Variants in GNAI1 observed in about 807,000 individuals in gnomAD.
GNAI1 encodes guanine nucleotide-binding protein G(i) subunit alpha-1.
In GNAI1, 11 loss-of-function variants were observed where a neutral mutation model predicts 38.9. The observed-to-expected ratio is 0.28, with a 90% CI of 0.18 to 0.47. GNAI1 has a LOEUF of 0.47. GNAI1 is among the 20% of genes least tolerant of loss of function. The pLI, the probability that GNAI1 is intolerant of heterozygous loss-of-function variation, is 0.99. For missense variants in GNAI1, 317 were observed against 436.9 expected, an observed-to-expected ratio of 0.73 and a Z score of 2.45; for synonymous variants, 166 against 145.1, an observed-to-expected ratio of 1.14 and a Z score of -1.04.
rs77958400 is a variant in GNAI1 at position 80,158,467 on chromosome 7, A to G, written c.118+23189A>G. Among the ~76,000 whole-genome samples, 422 of 152,282 alleles carry G rather than the reference A, an allele frequency of 2.8e-3. 5 individuals carry two copies. Among genetic ancestry groups the G allele is most frequent in the African/African-American group, 9.7e-3 (402 of 41,552 alleles). On this transcript the variant is annotated intron_variant, in intron 1 of 7. Coordinates refer to ENST00000649796, the MANE Select transcript of GNAI1 (RefSeq NM_002069.6). ...GAGGGACCTGGTGGGAGGTAATTCA[A>G]CCATAGGGGTTGTTACCCTCATGCT...
chr7:80,185,073 C>T (rs1562835365), intron 1 of GNAI1, among the ~76,000 whole-genome samples: 1 of 152,138 alleles, frequency 6.6e-6, no homozygotes, highest in Non-Finnish European at 1.5e-5. Flanking sequence ...CACTTTTCAT[C>T]CCATCCTGGA....
At chr7:80,195,517 G>A (rs925180975) in intron 3 of GNAI1, among the ~76,000 whole-genome samples, 1 of 151,942 alleles carries the variant, frequency 6.6e-6, no homozygotes, top group Non-Finnish European at 1.5e-5. Context: ...TCATCCCTGG[G>A]ATGCAAGACT....
intron 1 of GNAI1, among the ~76,000 whole-genome samples, chr7:80,142,490 A>T (rs1344227211): frequency 6.6e-6 from 1 of 152,168 alleles, no homozygotes; most frequent in Non-Finnish European, 1.5e-5. Context: ...ACCATATTGA[A>T]ATCATCTTGT....
Position 80,220,384 on chromosome 7 carries a change from A to G in GNAI1, c.*2891A>G, listed in dbSNP as rs1294564239. 2.0e-5 allele frequency among the ~76,000 whole-genome samples: 3 copies of G among 152,172 alleles called. No homozygotes were observed. The highest frequency in any genetic ancestry group is 4.4e-5 in the Non-Finnish European group (3 of 68,038). On this transcript the variant is annotated 3_prime_UTR_variant, in exon 8 of 8. Coordinates refer to ENST00000649796, the MANE Select transcript of GNAI1 (RefSeq NM_002069.6). Reference sequence around the variant, plus strand: ...TTTGGCACTTTTAAATTTGTTTGTGATACCTCTTTTAGACTCCTCTGGCAT... The same window carrying G: ...TTTGGCACTTTTAAATTTGTTTGTGGTACCTCTTTTAGACTCCTCTGGCAT...
In GNAI1 at chr7:80,172,552, T is replaced by A. The variant is rs192418065; in HGVS notation, c.119-16399T>A. 1.2e-4 allele frequency among the ~76,000 whole-genome samples: 19 copies of A among 152,314 alleles called. No homozygotes were observed. In the East Asian group the frequency reaches 3.7e-3, roughly 29 times the overall value. On this transcript the variant is annotated intron_variant, in intron 1 of 7. Transcript: ENST00000649796. ...TTTGATGTAGAGTCATGACCTTTTT[T>A]TTCTTGAAGTATTGTTCAGAGTTGT...
chr7:80,170,705 C>T (rs534215150), intron 1 of GNAI1, among the ~76,000 whole-genome samples: 22 of 152,198 alleles, frequency 1.4e-4, no homozygotes, highest in African/African-American at 5.3e-4. Context: ...TCTCAGATAA[C>T]TCACTCACTA....
In GNAI1 at chr7:80,223,904, G is replaced by T. The variant is rs1038481741; in HGVS notation, c.*6411G>T. On this transcript the variant is annotated 3_prime_UTR_variant, in exon 8 of 8. Coordinates refer to ENST00000649796, the MANE Select transcript of GNAI1 (RefSeq NM_002069.6). ...AATCTTCTTCTTCGAAAGGAATCTT[G>T]TCTAAATCTAATAAAGCATTTTTCT... 6.6e-6 allele frequency among the ~76,000 whole-genome samples: 1 copy of T among 152,108 alleles called. No individual in the cohort carries two copies. The highest frequency in any genetic ancestry group is 1.5e-5 in the Non-Finnish European group (1 of 68,020).
At chr7:80,147,222 G>C (rs571918187) in intron 1 of GNAI1, among the ~76,000 whole-genome samples, 1 of 151,962 alleles carries the variant, frequency 6.6e-6, no homozygotes, top group African/African-American at 2.4e-5. Context: ...ATTGTTGCTG[G>C]TGCAGACTGA....
At position 80,220,959 on chromosome 7, in the gene GNAI1, T is replaced by A. The variant is rs2115738666; in HGVS notation, c.*3466T>A. 6.6e-6 allele frequency among the ~76,000 whole-genome samples: 1 copy of A among 152,310 alleles called. No individual in the cohort carries two copies. Among genetic ancestry groups the A allele is most frequent in the Admixed American group, 6.5e-5 (1 of 15,298 alleles). On this transcript the variant is annotated 3_prime_UTR_variant, in exon 8 of 8. Transcript: ENST00000649796. Reference sequence around the variant, plus strand: ...TATTAATGTCTTTCATCAGAGCTATTTTTTACTCCTTAGATGTGAAGCTAC... The same window carrying A: ...TATTAATGTCTTTCATCAGAGCTATATTTTACTCCTTAGATGTGAAGCTAC...
chr7:80,199,155 A>T, intron 3 of GNAI1, 70 bp from the exon 4 acceptor site: 1 of 1,076,196 alleles, frequency 9.3e-7, no homozygotes, highest in Non-Finnish European at 1.3e-6. Context: ...TAACTCTAGA[A>T]TTGTCTCCTT....
chr7:80,175,803 C>T (rs1788174001), intron 1 of GNAI1, among the ~76,000 whole-genome samples: 1 of 152,144 alleles, frequency 6.6e-6, no homozygotes, highest in African/African-American at 2.4e-5. Flanking sequence ...CTCATTGCTT[C>T]ACTGGACTGG....
At chr7:80,188,607 A>G (rs1584037323) in intron 1 of GNAI1, among the ~76,000 whole-genome samples, 1 of 152,214 alleles carries the variant, frequency 6.6e-6, no homozygotes, top group East Asian at 1.9e-4. Flanking sequence ...AATGGTTACC[A>G]TATTGGGACA....
At position 80,203,820 on chromosome 7, in the gene GNAI1, A is replaced by G; in HGVS notation, c.578A>G (p.Asp193Gly). 3 of 1,548,356 alleles carry G rather than the reference A, an allele frequency of 1.9e-6. No individual in the cohort carries two copies. Among genetic ancestry groups the G allele is most frequent in the Non-Finnish European group, 2.7e-6 (3 of 1,126,998 alleles). The change falls in exon 5 of 8, where the codon GAT becomes GGT. Residue 193 changes from aspartate (D) to glycine (G), a missense_variant. This residue lies in a region of GNAI1 where 158 missense variants were observed against 234.7 expected (regional missense o/e 0.67). Transcript: ENST00000649796. ...GIVETHFTFK[D>G]LHFKMFDVGG... ...GTTGAAACCCATTTTACTTTCAAAG[A>G]TCTTCATTTTAAGTGAGTAGCTTTG...
chr7:80,178,404 A>G (rs766970783), intron 1 of GNAI1, among the ~76,000 whole-genome samples: 17 of 152,322 alleles, frequency 1.1e-4, no homozygotes, highest in Admixed American at 4.6e-4. Flanking sequence ...AGAGCATCAC[A>G]TGCTGCAGAA....
In GNAI1 at chr7:80,135,119, CG is replaced by C. The variant is rs745452443; in HGVS notation, c.-39del. 8.8e-4 allele frequency: 1,196 copies of C among 1,362,882 alleles called. 9 individuals are homozygous for C. Among genetic ancestry groups the C allele is most frequent in the Non-Finnish European group, 9.5e-4 (966 of 1,018,538 alleles). 84.4% of individuals were successfully genotyped at this position (1,362,882 alleles called of 1,614,324 possible). A position where few individuals can be genotyped will look rare whatever the true frequency, so the allele number is the denominator to read the frequency against. On this transcript the variant is annotated 5_prime_UTR_variant, in exon 1 of 8. Coordinates refer to ENST00000649796, the MANE Select transcript of GNAI1 (RefSeq NM_002069.6). ...TTCCCCTGTGCTTGGAGCCCGCACT[CG>C]GGCGCGGAGGGAGCGGCGGCAGGCT...
intron 3 of GNAI1, among the ~76,000 whole-genome samples, chr7:80,193,911 T>C (rs929301864): frequency 3.3e-5 from 5 of 152,238 alleles, no homozygotes; most frequent in Admixed American, 6.5e-5. Context: ...GAATATAGGC[T>C]GTGAGGAGTG....
At chr7:80,154,103 TGTAGA>T (rs1787775004) in intron 1 of GNAI1, among the ~76,000 whole-genome samples, 1 of 151,926 alleles carries the variant, frequency 6.6e-6, no homozygotes, top group Non-Finnish European at 1.5e-5. Flanking sequence ...TTGTATTTTT[TGTAGA>T]GATGAGGTTT....
Position 80,219,027 on chromosome 7 carries a change from T to TGTGTG in GNAI1, c.*1534_*1535insGTGTG, listed in dbSNP as rs111698493. The TGTGTG allele has an allele frequency of 6.2e-5, 9 of 145,946 alleles. No individual in the cohort carries two copies. Among genetic ancestry groups the TGTGTG allele is most frequent in the East Asian group, 2.0e-4 (1 of 4,914 alleles). The allele number at this position is 145,946 out of a possible 1,614,324, so 9.0% of individuals were successfully genotyped here. On this transcript the variant is annotated 3_prime_UTR_variant, in exon 8 of 8. Transcript: ENST00000649796. ...GTGTTGTCACTGGGTTGAAGTATAT[T>TGTGTG]TGTGTGTGTGTGTGTGTGTGTGTGT... is the stretch of plus-strand genomic sequence containing the variant.
At chr7:80,198,630 C>T (rs1464994945) in intron 3 of GNAI1, among the ~76,000 whole-genome samples, 1 of 152,126 alleles carries the variant, frequency 6.6e-6, no homozygotes, top group African/African-American at 2.4e-5. Flanking sequence ...ACACCTGCTC[C>T]CAACTTCTGC....
Sources: allele counts gnomAD v4.1 joint callset (sites outside exome capture counted in the v4.1 genomes callset), GRCh38; gene constraint gnomAD v4.1.1; regional missense constraint gnomAD v4.1.1; transcripts MANE v1.5; gene names NCBI Gene and HGNC (gene_info 2026-07-23, HGNC 2026-07-21).